The following CLASP2 variants were observed in gnomAD, a reference collection of about 807,000 sequenced individuals.
CLASP2 encodes cytoplasmic linker associated protein 2.
Under a neutral mutation model 194.4 loss-of-function variants are expected in CLASP2, and 47 were observed. The observed-to-expected ratio is 0.24, with a 90% CI of 0.19 to 0.31. CLASP2 has a LOEUF of 0.31. CLASP2 is among the 10% of genes least tolerant of loss of function. CLASP2 has a pLI of 1.00. For synonymous variants in CLASP2, 619 were observed against 633.5 expected, an observed-to-expected ratio of 0.98 and a Z score of 0.34; for missense variants, 1,445 against 1,823.6, an observed-to-expected ratio of 0.79 and a Z score of 3.78.
intron 36 of CLASP2, among the ~76,000 whole-genome samples, chr3:33,515,511 G>A (rs1170127422): frequency 6.6e-6 from 1 of 152,158 alleles, no homozygotes; most frequent in African/African-American, 2.4e-5. Context: ...TCAGCCAGTT[G>A]TGCTGGTGCA....
intron 6 of CLASP2, among the ~76,000 whole-genome samples, chr3:33,670,776 C>T (rs936109132): frequency 6.6e-6 from 1 of 152,158 alleles, no homozygotes; most frequent in Admixed American, 6.5e-5. Flanking sequence ...GGGACACAGT[C>T]ATGGTGGTGC....
At chr3:33,531,379 C>T (rs2056245119) in intron 34 of CLASP2, among the ~76,000 whole-genome samples, 1 of 152,000 alleles carries the variant, frequency 6.6e-6, no homozygotes, top group Non-Finnish European at 1.5e-5. Flanking sequence ...CAAACATGGG[C>T]AAAGGAATAG....
intron 34 of CLASP2, among the ~76,000 whole-genome samples, chr3:33,534,762 T>G (rs922908513): frequency 1.3e-5 from 2 of 152,212 alleles, no homozygotes; most frequent in African/African-American, 4.8e-5. Flanking sequence ...AGCTTAGAAC[T>G]AAGCCCATTT....
intron 11 of CLASP2, 21 bp from the exon 12 acceptor site, chr3:33,619,759 T>C: frequency 6.5e-7 from 1 of 1,547,886 alleles, no homozygotes; most frequent in South Asian, 1.2e-5. Context: ...AGACAAAAAG[T>C]ATTTTTTAAT....
In CLASP2 at chr3:33,571,083, G is replaced by A. The variant is rs867478470; in HGVS notation, c.2700-293C>T. ...GGCTGGAGTGCAGTGGCGCGATCTC[G>A]GCTCACTGCAGGCTCCGCCCCCCGG... is the stretch of plus-strand genomic sequence containing the variant. On this transcript the variant is annotated intron_variant, in intron 25 of 38. Coordinates refer to ENST00000682230, the MANE Select transcript of CLASP2 (RefSeq NM_001365631.1). Among the ~76,000 whole-genome samples the A allele has an allele frequency of 3.3e-4, 49 of 148,376 alleles. 1 individual carries two copies. Among genetic ancestry groups the A allele is most frequent in the Middle Eastern group, 6.5e-3 (2 of 308 alleles).
At chr3:33,700,887 C>A (rs2092332011) in intron 1 of CLASP2, among the ~76,000 whole-genome samples, 1 of 152,040 alleles carries the variant, frequency 6.6e-6, no homozygotes, top group African/African-American at 2.4e-5. Context: ...TTCCTACAGA[C>A]CAGCACTCAA....
intron 6 of CLASP2, chr3:33,683,193 A>G (rs1286844994): frequency 1.3e-5 from 2 of 152,268 alleles, no homozygotes; most frequent in African/African-American, 4.8e-5. Flanking sequence ...TGATTACTTG[A>G]TAATGGTACA....
chr3:33,714,759 T>TA (rs1187025723), intron 1 of CLASP2, among the ~76,000 whole-genome samples: 2 of 152,142 alleles, frequency 1.3e-5, no homozygotes, highest in Admixed American at 1.3e-4. Context: ...TATTTTTTTT[T>TA]AGACAGGAAT....
At chr3:33,516,911 G>A in intron 35 of CLASP2, 70 bp downstream of exon 35, 7 of 1,292,070 alleles carry the variant, frequency 5.4e-6, no homozygotes, top group Non-Finnish European at 7.7e-6. Flanking sequence ...AATCCGTGTA[G>A]CATTAGATTA....
Position 33,553,519 on chromosome 3 carries a change from A to C in CLASP2, c.3010-2124T>G, listed in dbSNP as rs73053683. 5.2e-3 allele frequency among the ~76,000 whole-genome samples: 789 copies of C among 152,302 alleles called. 5 individuals carry two copies. Among genetic ancestry groups the C allele is most frequent in the Middle Eastern group, 0.031 (9 of 294 alleles). ...TGACTCAATAGCAAGAAAACAAATA[A>C]ACTATTTAGAAAATGGGCAAAGGAT... is the stretch of plus-strand genomic sequence containing the variant. On this transcript the variant is annotated intron_variant, in intron 29 of 38. Coordinates refer to ENST00000682230, the MANE Select transcript of CLASP2 (RefSeq NM_001365631.1).
intron 12 of CLASP2, among the ~76,000 whole-genome samples, chr3:33,618,314 A>T (rs188124610): frequency 2.1e-4 from 32 of 152,244 alleles, no homozygotes; most frequent in African/African-American, 7.2e-4. Context: ...AGAATTACAC[A>T]TATGGATAAG....
At chr3:33,696,751 AT>A (rs1158949422) in intron 2 of CLASP2, 103 bp downstream of exon 2, 3 of 846,948 alleles carry the variant, frequency 3.5e-6, no homozygotes, top group Admixed American at 5.0e-5. Flanking sequence ...CAGAAATTAC[AT>A]TTTTTTAATT....
intron 8 of CLASP2, among the ~76,000 whole-genome samples, chr3:33,632,818 C>T (rs1274937938): frequency 1.3e-5 from 2 of 152,160 alleles, no homozygotes; most frequent in Admixed American, 6.5e-5. Context: ...ACAAACAAAT[C>T]TTCCATTATT....
At chr3:33,530,274 A>T (rs1449980490) in intron 34 of CLASP2, among the ~76,000 whole-genome samples, 2 of 152,082 alleles carry the variant, frequency 1.3e-5, no homozygotes, top group African/African-American at 4.8e-5. Flanking sequence ...CAGGAGTTTT[A>T]GACTAGCCTG....
intron 28 of CLASP2, among the ~76,000 whole-genome samples, 184 bp downstream of exon 28, chr3:33,560,624 G>A (rs976192260): frequency 1.3e-5 from 2 of 152,078 alleles, no homozygotes; most frequent in African/African-American, 4.8e-5. Flanking sequence ...AAAATGCAGG[G>A]CTTGACCTAG....
At chr3:33,572,528 A>C (rs1004456975) in intron 25 of CLASP2, among the ~76,000 whole-genome samples, 5 of 152,172 alleles carry the variant, frequency 3.3e-5, no homozygotes, top group Non-Finnish European at 7.4e-5. Flanking sequence ...GGTCAACTAT[A>C]GGTTTAAAAC....
At chr3:33,559,245 A>G (rs1204212019) in intron 29 of CLASP2, 62 bp downstream of exon 29, 13 of 1,039,240 alleles carry the variant, frequency 1.3e-5, no homozygotes, top group East Asian at 1.0e-4. Context: ...AAATATCAAC[A>G]TAACTTTATT....
At chr3:33,539,001 TGAG>T (rs1050518490) in intron 32 of CLASP2, 59 bp from the exon 33 acceptor site, 1 of 1,200,266 alleles carries the variant, frequency 8.3e-7, no homozygotes, top group Non-Finnish European at 1.1e-6. Context: ...CAAACACATC[TGAG>T]GAGATTATAT....
At chr3:33,558,875 A>G (rs1362928763) in intron 29 of CLASP2, 1 of 158,310 alleles carries the variant, frequency 6.3e-6, no homozygotes, top group Non-Finnish European at 1.4e-5. Context: ...ATAAAATTAG[A>G]TAAGACTTTA....
Sources: gnomAD v4.1 joint callset for allele counts (sites outside exome capture counted in the v4.1 genomes callset) on GRCh38, gnomAD v4.1.1 for gene constraint, MANE v1.5 for transcripts, NCBI Gene and HGNC (gene_info 2026-07-23, HGNC 2026-07-21) for gene names.